The following CLU variants were observed in gnomAD, a reference collection of about 807,000 sequenced individuals.
The protein encoded by CLU is clusterin.
CLU carries 25 observed loss-of-function variants against 46.4 expected under a neutral mutation model. That is an observed-to-expected ratio of 0.54 (90% CI 0.39 to 0.75). The LOEUF is 0.75. Ranked by LOEUF, CLU falls within the 30% of genes least tolerant of loss-of-function variation. The pLI is 0.00. For missense variants in CLU, 504 were observed against 592.1 expected (o/e 0.85, Z 1.54); for synonymous variants, 235 against 235.1 (o/e 1.00, Z 0.00).
At chr8:27,610,909 A>C (rs1800915263) in intron 1 of CLU, 1 of 392,152 alleles carries the variant, frequency 2.6e-6, no homozygotes, top group African/African-American at 2.1e-5. Context: ...CCCGACAATC[A>C]GCGAGGCACA....
rs771208664 is a variant in CLU, at chr8:27,599,917, C to T, written c.1027G>A (p.Glu343Lys). ...VAERLTRKYN[E>K]LLKSYQWKML... The stretch of plus-strand genomic sequence containing the variant: ...TTCCACTGGTAGGACTTTAGCAGCT[C>T]GTTGTATTTCCTGGTCAACCTCTCA... The change falls in exon 7 of 9, where the codon GAG becomes AAG. Residue 343 changes from glutamate (E) to lysine (K), a missense_variant. Around this residue, in one of 3 missense-constraint regions of CLU, gnomAD observed 428 missense variants for 484.0 expected, o/e 0.88. Transcript: ENST00000316403. This position sits in a 1 kb window ranked among gnomAD's most constrained non-coding sequence, Gnocchi z 4.0. The T allele has an allele frequency of 3.7e-6, 6 of 1,614,084 alleles. No homozygotes were observed. Among genetic ancestry groups the T allele is most frequent in the Admixed American group, 1.7e-5 (1 of 60,008 alleles).
chr8:27,598,289 C>T (rs1800648400), intron 8 of CLU, 39 bp from the exon 9 acceptor site: 1 of 1,612,846 alleles, frequency 6.2e-7, no homozygotes, highest in Non-Finnish European at 8.5e-7. Flanking sequence ...GTAAAACATC[C>T]TCCAAAGGAA....
At chr8:27,606,656 C>T in intron 3 of CLU, 132 bp from the exon 4 acceptor site, 2 of 995,758 alleles carry the variant, frequency 2.0e-6, no homozygotes, top group Admixed American at 1.8e-5. Context: ...ATGCAAGTGC[C>T]TACCCTTGCT....
intron 6 of CLU, among the ~76,000 whole-genome samples, chr8:27,603,827 AGGAAATGAGGAAATGT>A (rs1800764165): frequency 6.6e-6 from 1 of 152,130 alleles, no homozygotes; most frequent in Non-Finnish European, 1.5e-5. Flanking sequence ...GGTCATTCTG[AGGAAATGAGGAAATGT>A]ATGTCGAGTG....
rs1356173241 is a variant in CLU at position 27,598,477 on chromosome 8, T to C, written c.1323A>G (p.Glu441=). The C allele has an allele frequency of 5.0e-6, 8 of 1,614,050 alleles. No homozygotes were observed. The South Asian group carries it at 8.8e-5, about 18-fold the overall frequency. The part of the protein sequence containing the change: ...METVAEKALQ[E]YRKKHREE ...CTGCTTACCGGTGCTTTTTGCGGTA[T>C]TCCTGCAGCGCTTTCTCCGCCACGG... Residue 441 remains glutamate (E), a synonymous_variant, in exon 8 of 9, where the codon GAA becomes GAG. Transcript: ENST00000316403.
At chr8:27,611,397 C>T (rs1800927555) in intron 1 of CLU, 2 of 456,654 alleles carry the variant, frequency 4.4e-6, no homozygotes, top group East Asian at 6.9e-5. Flanking sequence ...CTGCCCATCC[C>T]CTCTAAGCCG....
chr8:27,605,167 A>G lies in CLU; in HGVS notation c.586T>C (p.Phe196Leu). 1 of 1,614,222 alleles carries G rather than the reference A, an allele frequency of 6.2e-7. No homozygotes were observed. ...IIDELFQDRF[F>L]TREPQDTYHY... ...TAGGTATCCTGGGGCTCCCGGGTGAAGAACCTGTCCTGGAAGAGCTCGTCT... is the reference window on the plus strand; with the variant it reads ...TAGGTATCCTGGGGCTCCCGGGTGAGGAACCTGTCCTGGAAGAGCTCGTCT... The change falls in exon 5 of 9, where the codon TTC (phenylalanine) becomes CTC (leucine). Residue 196 changes from phenylalanine to leucine, a missense_variant. Phe to Leu is a conservative substitution (Grantham distance 22, BLOSUM62 0). Coordinates refer to ENST00000316403, the MANE Select transcript of CLU (RefSeq NM_001831.4).
At position 27,599,896 on chromosome 8, in the gene CLU, A is replaced by G. The variant is rs1800687510; in HGVS notation, c.1048T>C (p.Trp350Arg). 1.2e-6 allele frequency: 2 copies of G among 1,613,894 alleles called. No individual in the cohort carries two copies. The highest frequency in any genetic ancestry group is 2.7e-5 in the African/African-American group (2 of 74,840). The change falls in exon 7 of 9, where the codon TGG becomes CGG. Residue 350 changes from tryptophan to arginine, a missense_variant. This residue lies in a region of CLU where 428 missense variants were observed against 484.0 expected (regional missense o/e 0.88). Coordinates refer to ENST00000316403, the MANE Select transcript of CLU (RefSeq NM_001831.4). This position sits in a 1 kb window ranked among gnomAD's most constrained non-coding sequence, Gnocchi z 4.0. ...KYNELLKSYQ[W>R]KMLNTSSLLE... ...AAGGAGGAGGTGTTGAGCATCTTCC[A>G]CTGGTAGGACTTTAGCAGCTCGTTG... is the stretch of plus-strand genomic sequence containing the variant.
At chr8:27,609,206 C>G in intron 2 of CLU, 120 bp from the exon 3 acceptor site, 1 of 1,057,090 alleles carries the variant, frequency 9.5e-7, no homozygotes, top group Non-Finnish European at 1.4e-6. Flanking sequence ...GCTGGGACCC[C>G]CACTCCTGCC....
chr8:27,606,260 T>C, intron 4 of CLU, 94 bp downstream of exon 4: 6 of 1,422,290 alleles, frequency 4.2e-6, no homozygotes, highest in Non-Finnish European at 5.9e-6. Flanking sequence ...CCAATGCTAA[T>C]CAATTGCATC....
At chr8:27,600,790 C>T (rs1012265827) in intron 6 of CLU, among the ~76,000 whole-genome samples, 2 of 152,114 alleles carry the variant, frequency 1.3e-5, no homozygotes, top group Non-Finnish European at 2.9e-5. Context: ...TCCCAGACAC[C>T]GCAGAAAGTT....
intron 3 of CLU, among the ~76,000 whole-genome samples, chr8:27,606,789 C>T (rs111836137): frequency 3.7e-4 from 56 of 152,356 alleles, no homozygotes; most frequent in African/African-American, 1.3e-3. Context: ...CTCCTGGAAC[C>T]CATGTGGACA....
chr8:27,597,929 C>T lies in CLU; in HGVS notation c.*312G>A. The T allele has an allele frequency of 1.6e-6, 1 of 607,666 alleles. No homozygotes were observed. Among genetic ancestry groups the T allele is most frequent in the East Asian group, 3.6e-5 (1 of 27,558 alleles). 37.6% of individuals were successfully genotyped at this position (607,666 alleles called of 1,614,324 possible). A position where few individuals can be genotyped will look rare whatever the true frequency, so the allele number is the denominator to read the frequency against. ...TTATTTTCCATCCCCCCTGCCTGCCCCCCATAGCAAAATGAAGGCATGCCG... is the reference window on the plus strand; with the variant it reads ...TTATTTTCCATCCCCCCTGCCTGCCTCCCATAGCAAAATGAAGGCATGCCG... On this transcript the variant is annotated 3_prime_UTR_variant, in exon 9 of 9. Coordinates refer to ENST00000316403, the MANE Select transcript of CLU (RefSeq NM_001831.4).
chr8:27,603,849 G>A (rs752416733), intron 6 of CLU, among the ~76,000 whole-genome samples: 1 of 152,166 alleles, frequency 6.6e-6, no homozygotes, highest in Non-Finnish European at 1.5e-5. Context: ...AATGTATGTC[G>A]AGTGTTTAGA....
At chr8:27,604,495 C>T in intron 5 of CLU, 100 bp from the exon 6 acceptor site, 1 of 976,960 alleles carries the variant, frequency 1.0e-6, no homozygotes, top group Non-Finnish European at 1.6e-6. Flanking sequence ...AATTTACAGA[C>T]AGGGTCTCAC....
rs1437473631 is a variant in CLU at position 27,610,597 on chromosome 8, G to A, written c.-26C>T. ...GCCTCCAATTCTGGAGTCTTTGCACGCCTCTGCAGAGAACAGGAGACCATC... is the reference window on the plus strand; with the variant it reads ...GCCTCCAATTCTGGAGTCTTTGCACACCTCTGCAGAGAACAGGAGACCATC... On this transcript the variant is annotated 5_prime_UTR_variant, in exon 2 of 9. Transcript: ENST00000316403. 55 of 1,602,976 alleles carry A rather than the reference G, an allele frequency of 3.4e-5. No homozygotes were observed. The highest frequency in any genetic ancestry group is 8.9e-5 in the East Asian group (4 of 44,848).
intron 2 of CLU, 137 bp from the exon 3 acceptor site, chr8:27,609,223 C>T (rs1022393678): frequency 8.8e-6 from 8 of 909,200 alleles, no homozygotes; most frequent in South Asian, 1.3e-5. Context: ...TGCCAGCAGG[C>T]AGCAGCATGG....
rs568809975 is a variant in CLU at position 27,601,279 on chromosome 8, G to A, written c.935-1270C>T. On this transcript the variant is annotated intron_variant, in intron 6 of 8. Coordinates refer to ENST00000316403, the MANE Select transcript of CLU (RefSeq NM_001831.4). Reference sequence around the variant, plus strand: ...TTGGCTAGGCTGGTCTCAAACTCCTGACCTCAGGGGTCCACCCACCTCGGC... The same window carrying A: ...TTGGCTAGGCTGGTCTCAAACTCCTAACCTCAGGGGTCCACCCACCTCGGC... Among the ~76,000 whole-genome samples the A allele has an allele frequency of 1.4e-4, 21 of 152,294 alleles. No individual in the cohort carries two copies. The South Asian group carries it at 4.3e-3, about 32-fold the overall frequency.
chr8:27,605,381 C>G, intron 4 of CLU, 46 bp from the exon 5 acceptor site: 1 of 1,608,078 alleles, frequency 6.2e-7, no homozygotes, highest in Non-Finnish European at 8.5e-7. Flanking sequence ...TCACCAAGGC[C>G]ACGGCCTCCT....
Sources: gnomAD v4.1 joint callset for allele counts (sites outside exome capture counted in the v4.1 genomes callset) on GRCh38, gnomAD v4.1.1 for gene constraint, gnomAD v4.1.1 regional missense constraint, Gnocchi (gnomAD v3.1) non-coding constraint, MANE v1.5 for transcripts, NCBI Gene and HGNC (gene_info 2026-07-23, HGNC 2026-07-21) for gene names.